The following ERCC6L variants were observed in gnomAD, a reference collection of about 807,000 sequenced individuals.
ERCC6L encodes the protein DNA excision repair protein ERCC-6-like.
ERCC6L carries 7 observed loss-of-function variants against 20.1 expected under a neutral mutation model. The ratio of observed to expected loss-of-function variants is 0.35; its 90% CI spans 0.20 to 0.65. ERCC6L has a LOEUF of 0.65. Among genes scored for constraint, ERCC6L ranks in the 30% least tolerant of loss-of-function variants. ERCC6L has a pLI of 0.69. For missense variants in ERCC6L, 592 were observed against 892.4 expected (o/e 0.66, Z 4.29); for synonymous variants, 278 against 331.3 (o/e 0.84, Z 1.75).
chrX:72,212,729 C>T (rs886354086), intron 1 of ERCC6L, among the ~76,000 whole-genome samples: 6 of 111,813 alleles, frequency 5.4e-5, no homozygotes, highest in Non-Finnish European at 9.4e-5. Flanking sequence ...TTGCTTGAGC[C>T]CAGGAGTTTG....
At position 72,206,373 on chromosome X, in the gene ERCC6L, G is replaced by A. The variant is rs1255362939; in HGVS notation, c.2394C>T (p.Thr798=). The A allele has an allele frequency of 5.8e-6, 7 of 1,208,301 alleles. No homozygotes were observed. The South Asian group carries it at 7.1e-5, about 12-fold the overall frequency. ...DLSSIKVNVT[T]LQDGKGTGSA... ...TACCTGTACCTTTACCATCTTGCAA[G>A]GTGGTAACATTCACCTTTATACTGG... is the stretch of plus-strand genomic sequence containing the variant. The change falls in exon 2 of 2, where the codon ACC becomes ACT. Residue 798 remains threonine, a synonymous_variant. Coordinates refer to ENST00000334463, the MANE Select transcript of ERCC6L (RefSeq NM_017669.4).
At chrX:72,224,028 A>G (rs2042940763) in intron 1 of ERCC6L, among the ~76,000 whole-genome samples, 2 of 111,086 alleles carry the variant, frequency 1.8e-5, no homozygotes, top group African/African-American at 6.6e-5. Context: ...AAATATCTTC[A>G]CTGCTGGTAC....
intron 1 of ERCC6L, among the ~76,000 whole-genome samples, chrX:72,210,064 G>A (rs376120163): frequency 7.3e-5 from 8 of 108,930 alleles, no homozygotes; most frequent in Middle Eastern, 4.7e-3. Flanking sequence ...GCAACCAGAG[G>A]GGGGGAAGAG....
intron 1 of ERCC6L, among the ~76,000 whole-genome samples, chrX:72,217,366 T>C (rs1443617638): frequency 8.9e-6 from 1 of 111,901 alleles, no homozygotes; most frequent in Non-Finnish European, 1.9e-5. Flanking sequence ...TTTTGAGCCA[T>C]ATAGTTTGGT....
intron 1 of ERCC6L, among the ~76,000 whole-genome samples, chrX:72,216,503 G>A (rs981788340): frequency 9.0e-6 from 1 of 111,591 alleles, no homozygotes; most frequent in Non-Finnish European, 1.9e-5. Flanking sequence ...CATTCACAAC[G>A]TGTAATCATC....
intron 1 of ERCC6L, among the ~76,000 whole-genome samples, chrX:72,235,048 T>C (rs760153947): frequency 4.5e-5 from 5 of 112,223 alleles, no homozygotes; most frequent in Non-Finnish European, 9.4e-5. Context: ...CAGAGTTGGA[T>C]TTAGCAAAAT....
intron 1 of ERCC6L, chrX:72,237,760 C>A (rs1454389274): frequency 2.7e-5 from 3 of 110,919 alleles, no homozygotes; most frequent in African/African-American, 9.9e-5. Flanking sequence ...CAGAGCCAGA[C>A]CCTGTCTCTA....
chrX:72,219,948 G>A (rs963884655), intron 1 of ERCC6L, among the ~76,000 whole-genome samples: 16 of 111,238 alleles, frequency 1.4e-4, no homozygotes, highest in Non-Finnish European at 2.8e-4. Flanking sequence ...TGATATGAGC[G>A]GGAAAAGCCT....
chrX:72,210,758 T>G (rs963268731), intron 1 of ERCC6L, among the ~76,000 whole-genome samples: 2 of 111,561 alleles, frequency 1.8e-5, no homozygotes, highest in African/African-American at 6.5e-5. Context: ...GAACCCCCAT[T>G]TGTCAACCTC....
At chrX:72,231,701 G>A (rs904149038) in intron 1 of ERCC6L, among the ~76,000 whole-genome samples, 2 of 110,551 alleles carry the variant, frequency 1.8e-5, no homozygotes, top group East Asian at 2.8e-4. Context: ...CTACAGATGC[G>A]TACCACCACA....
chrX:72,237,448 A>C (rs868119865), intron 1 of ERCC6L, among the ~76,000 whole-genome samples: 1 of 111,235 alleles, frequency 9.0e-6, no homozygotes, highest in Non-Finnish European at 1.9e-5. Flanking sequence ...AATACAAAAA[A>C]TTAGCCGGGT....
chrX:72,230,975 A>C (rs189174224), intron 1 of ERCC6L, among the ~76,000 whole-genome samples: 101 of 111,826 alleles, frequency 9.0e-4, no homozygotes, highest in African/African-American at 3.2e-3. Context: ...TAAATAAATA[A>C]ATACATACAT....
chrX:72,205,171 T>A lies in ERCC6L; in HGVS notation c.3596A>T (p.Asp1199Val), dbSNP rs1204832578. The A allele has an allele frequency of 8.3e-7, 1 of 1,210,021 alleles. No individual in the cohort carries two copies. Among genetic ancestry groups the A allele is most frequent in the African/African-American group, 1.7e-5 (1 of 57,227 alleles). Residue 1199 changes from aspartate to valine, a missense_variant, in exon 2 of 2, where the codon GAC becomes GTC. Coordinates refer to ENST00000334463, the MANE Select transcript of ERCC6L (RefSeq NM_017669.4). The part of the protein sequence containing the change: ...PQDKAAEATN[D>V]YETLVKRGKE... ...TCCACGCTTTACAAGAGTCTCATAG[T>A]CATTTGTAGCCTCTGCCGCCTTATC...
chrX:72,211,931 C>G (rs1396457193), intron 1 of ERCC6L, among the ~76,000 whole-genome samples: 1 of 111,865 alleles, frequency 8.9e-6, no homozygotes, highest in Non-Finnish European at 1.9e-5. Flanking sequence ...TGGGTCATAA[C>G]CCCACCTAAA....
At chrX:72,233,343 G>A (rs2042996437) in intron 1 of ERCC6L, among the ~76,000 whole-genome samples, 1 of 111,733 alleles carries the variant, frequency 8.9e-6, no homozygotes. Context: ...AAAGTGGAGG[G>A]GAGGGGAGAA....
intron 1 of ERCC6L, among the ~76,000 whole-genome samples, chrX:72,214,414 A>C (rs1305999373): frequency 2.7e-5 from 3 of 112,004 alleles, no homozygotes; most frequent in African/African-American, 9.7e-5. Flanking sequence ...CAAAAACTGG[A>C]AACAACCCCA....
chrX:72,206,006 G>A lies in ERCC6L; in HGVS notation c.2761C>T (p.Leu921Phe). Residue 921 changes from leucine (L) to phenylalanine (F), a missense_variant, in exon 2 of 2, where the codon CTT (leucine) becomes TTT (phenylalanine). Coordinates refer to ENST00000334463, the MANE Select transcript of ERCC6L (RefSeq NM_017669.4). The part of the protein sequence containing the change: ...NVSIIEIADD[L>F]SASHSALQDA... ...TGCAGTGCACTATGGGATGCTGAAA[G>A]GTCATCAGCTATTTCAATAATGGAT... The A allele has an allele frequency of 8.3e-7, 1 of 1,211,520 alleles. No homozygotes were observed. The highest frequency in any genetic ancestry group is 1.8e-5 in the South Asian group (1 of 56,993).
chrX:72,206,240 C>T lies in ERCC6L; in HGVS notation c.2527G>A (p.Val843Ile). 8.3e-7 allele frequency: 1 copy of T among 1,208,674 alleles called. No homozygotes were observed. Among genetic ancestry groups the T allele is most frequent in the African/African-American group, 1.7e-5 (1 of 57,576 alleles). The change falls in exon 2 of 2, where the codon GTA becomes ATA. Residue 843 changes from valine (V) to isoleucine (I), a missense_variant. Val to Ile is a conservative substitution (Grantham distance 29, BLOSUM62 3). This residue lies in a region of ERCC6L where 352 missense variants were observed against 402.6 expected (regional missense o/e 0.87). Transcript: ENST00000334463. ...EKSFATKNEA[V>I]QKETLQEGPK... ...CCCTCTTGTAATGTCTCTTTTTGTACAGCTTCATTTTTAGTTGCAAAGCTT... is the reference window on the plus strand; with the variant it reads ...CCCTCTTGTAATGTCTCTTTTTGTATAGCTTCATTTTTAGTTGCAAAGCTT...
intron 1 of ERCC6L, among the ~76,000 whole-genome samples, chrX:72,215,472 A>G (rs1423611123): frequency 1.8e-5 from 2 of 111,950 alleles, no homozygotes; most frequent in Non-Finnish European, 3.8e-5. Flanking sequence ...GATGTCTGCA[A>G]TTTACTTTGA....
Sources: allele counts gnomAD v4.1 joint callset (sites outside exome capture counted in the v4.1 genomes callset), GRCh38; gene constraint gnomAD v4.1.1; regional missense constraint gnomAD v4.1.1; transcripts MANE v1.5; gene names NCBI Gene and HGNC (gene_info 2026-07-23, HGNC 2026-07-21).